Variants in TMEM229B observed in about 807,000 individuals in gnomAD.
TMEM229B encodes transmembrane protein 229B.
A neutral mutation model predicts 13.7 loss-of-function variants in TMEM229B; 6 were observed. That is an observed-to-expected ratio of 0.44 (90% CI 0.24 to 0.86). The LOEUF is 0.86. Ranked by LOEUF, TMEM229B falls within the 40% of genes least tolerant of loss-of-function variation. TMEM229B has a pLI of 0.23. For synonymous variants in TMEM229B, 107 were observed against 102.1 expected, an observed-to-expected ratio of 1.05 and a Z score of -0.29; for missense variants, 170 against 236.0, an observed-to-expected ratio of 0.72 and a Z score of 1.83.
At chr14:67,483,923 T>C (rs1450102410) in intron 2 of TMEM229B, among the ~76,000 whole-genome samples, 1 of 151,872 alleles carries the variant, frequency 6.6e-6, no homozygotes, top group Non-Finnish European at 1.5e-5. Flanking sequence ...GCAGGGTGAG[T>C]GGGCTTGGGG....
chr14:67,526,777 G>A (rs1281070090), intron 1 of TMEM229B, among the ~76,000 whole-genome samples: 1 of 152,076 alleles, frequency 6.6e-6, no homozygotes, highest in African/African-American at 2.4e-5. Context: ...AGATGGTGCT[G>A]AGAGATAGTC....
chr14:67,525,532 A>G (rs769622335), intron 1 of TMEM229B, among the ~76,000 whole-genome samples: 35 of 152,298 alleles, frequency 2.3e-4, no homozygotes, highest in Non-Finnish European at 1.6e-4. Context: ...CTCCTAACAT[A>G]AATTGTGAGA....
At chr14:67,527,981 C>T (rs764581345) in intron 1 of TMEM229B, among the ~76,000 whole-genome samples, 9 of 152,170 alleles carry the variant, frequency 5.9e-5, no homozygotes, top group Non-Finnish European at 1.3e-4. Flanking sequence ...GCCACCTACT[C>T]CTCCACGCTC....
intron 2 of TMEM229B, among the ~76,000 whole-genome samples, chr14:67,485,089 C>G (rs1018111893): frequency 6.6e-6 from 1 of 152,234 alleles, no homozygotes; most frequent in Non-Finnish European, 1.5e-5. Flanking sequence ...GAATTCAGCC[C>G]TTTTCTTCTC....
chr14:67,516,702 G>A (rs2033208003), upstream of TMEM229B, among the ~76,000 whole-genome samples: 1 of 152,200 alleles, frequency 6.6e-6, no homozygotes, highest in African/African-American at 2.4e-5. Flanking sequence ...ATCAACAAAG[G>A]TGCCTCTCAA....
Position 67,476,894 on chromosome 14 carries a change from G to A in TMEM229B, c.-18-2953C>T, listed in dbSNP as rs571780630. On this transcript the variant is annotated intron_variant, in intron 2 of 2. Transcript: ENST00000554480. The stretch of plus-strand genomic sequence containing the variant: ...TAATCCCAGCACTTTGGGAGGCGGA[G>A]ATGGGCAGATCACCTGAGGTCAGGA... 2.0e-5 allele frequency among the ~76,000 whole-genome samples: 3 copies of A among 152,290 alleles called. No individual in the cohort carries two copies. The South Asian group carries it at 6.2e-4, about 32-fold the overall frequency.
At chr14:67,496,393 T>TTTTTTTTG in intron 1 of TMEM229B, among the ~76,000 whole-genome samples, 1 of 58,142 alleles carries the variant, frequency 1.7e-5, no homozygotes, top group Admixed American at 1.5e-4. Context: ...GCTCCGGCGT[T>TTTTTTTTG]TTTTTTTTTT....
intron 1 of TMEM229B, among the ~76,000 whole-genome samples, chr14:67,496,537 T>C (rs1379443388): frequency 1.3e-5 from 2 of 151,440 alleles, no homozygotes; most frequent in Non-Finnish European, 2.9e-5. Context: ...GAAATTAGTT[T>C]GTGAAGAAAA....
At chr14:67,489,779 A>G, upstream of TMEM229B, among the ~76,000 whole-genome samples, 1 of 152,178 alleles carries the variant, frequency 6.6e-6, no homozygotes, top group East Asian at 1.9e-4. Context: ...TCACGAGGTC[A>G]GGAGATCGAG....
chr14:67,508,963 G>A (rs1312623979), intron 1 of TMEM229B, among the ~76,000 whole-genome samples: 1 of 152,100 alleles, frequency 6.6e-6, no homozygotes, highest in East Asian at 1.9e-4. Flanking sequence ...GAATTATAAT[G>A]ATGGGCAGGG....
At chr14:67,496,399 T>TTTG (rs1434875496) in intron 1 of TMEM229B, among the ~76,000 whole-genome samples, 2 of 122,054 alleles carry the variant, frequency 1.6e-5, no homozygotes, top group African/African-American at 3.1e-5. Context: ...GCGTTTTTTT[T>TTTG]TTTTTTTTTT....
chr14:67,506,219 C>T (rs1261252126), intron 1 of TMEM229B, among the ~76,000 whole-genome samples: 1 of 152,038 alleles, frequency 6.6e-6, no homozygotes, highest in Non-Finnish European at 1.5e-5. Flanking sequence ...GACTCTGCTT[C>T]ATAAAGCGGG....
chr14:67,497,205 C>T (rs1257494166), intron 1 of TMEM229B, among the ~76,000 whole-genome samples: 3 of 152,108 alleles, frequency 2.0e-5, no homozygotes, highest in Non-Finnish European at 4.4e-5. Context: ...CACACGAATG[C>T]CCTGGGTTGT....
At chr14:67,512,126 T>G (rs1473558987) in intron 1 of TMEM229B, among the ~76,000 whole-genome samples, 2 of 152,236 alleles carry the variant, frequency 1.3e-5, no homozygotes, top group Non-Finnish European at 1.5e-5. Context: ...TACTTGATTT[T>G]AAATGCTCTT....
chr14:67,530,040 G>A (rs975131299), intron 1 of TMEM229B, among the ~76,000 whole-genome samples: 1 of 152,162 alleles, frequency 6.6e-6, no homozygotes, highest in African/African-American at 2.4e-5. Flanking sequence ...TAGAAGGCTC[G>A]TACAAGGGAA....
At chr14:67,522,212 G>T (rs972790613) in intron 1 of TMEM229B, among the ~76,000 whole-genome samples, 1 of 152,056 alleles carries the variant, frequency 6.6e-6, no homozygotes, top group Non-Finnish European at 1.5e-5. Context: ...AGAAAGTTGG[G>T]GATTGTGCGG....
upstream of TMEM229B, among the ~76,000 whole-genome samples, chr14:67,489,713 G>A (rs576189881): frequency 8.5e-5 from 13 of 152,286 alleles, no homozygotes; most frequent in African/African-American, 2.9e-4. Context: ...CTATGTAGCC[G>A]GGCGCGGTGG....
In TMEM229B at chr14:67,470,454, C is replaced by T. The variant is rs1351312267; in HGVS notation, c.*2966G>A. 2 of 152,448 alleles carry T rather than the reference C, an allele frequency of 1.3e-5. No homozygotes were observed. The highest frequency in any genetic ancestry group is 3.9e-4 in the East Asian group (2 of 5,176). 9.4% of individuals were successfully genotyped at this position (152,448 alleles called of 1,614,324 possible). A position where few individuals can be genotyped will look rare whatever the true frequency, so the allele number is the denominator to read the frequency against. ...TTTAGCAGAGCTGGGGCCTGCATCT[C>T]CTCCAGGTCTGGGTGGCCTCAGGGT... On this transcript the variant is annotated 3_prime_UTR_variant, in exon 3 of 3. Transcript: ENST00000554480.
chr14:67,524,399 A>C (rs887218048), intron 1 of TMEM229B, among the ~76,000 whole-genome samples: 1 of 152,174 alleles, frequency 6.6e-6, no homozygotes, highest in Non-Finnish European at 1.5e-5. Flanking sequence ...AGGTCAGGTC[A>C]TGAGGTCTCT....
Sources: allele counts gnomAD v4.1 joint callset (sites outside exome capture counted in the v4.1 genomes callset), GRCh38; gene constraint gnomAD v4.1.1; transcripts MANE v1.5; gene names NCBI Gene and HGNC (gene_info 2026-07-23, HGNC 2026-07-21).